The following ARSB variants were observed in gnomAD, a reference collection of about 807,000 sequenced individuals.
The protein encoded by ARSB is N-acetylgalactosamine-4-sulfatase.
ARSB carries 41 observed loss-of-function variants against 50.9 expected under a neutral mutation model. The observed-to-expected ratio is 0.81, with a 90% CI of 0.63 to 1.04. The LOEUF is 1.04. ARSB is among the 50% of genes least tolerant of loss of function. The pLI, the probability that ARSB is intolerant of heterozygous loss-of-function variation, is 0.00. For synonymous variants in ARSB, 269 were observed against 284.8 expected (o/e 0.94, Z 0.56); for missense variants, 672 against 693.3 (o/e 0.97, Z 0.35).
intron 4 of ARSB, among the ~76,000 whole-genome samples, chr5:78,947,945 T>A (rs1751319467): frequency 6.6e-6 from 1 of 152,186 alleles, no homozygotes; most frequent in African/African-American, 2.4e-5. Flanking sequence ...TGGAGTACTA[T>A]TCAGTCACAT....
intron 5 of ARSB, among the ~76,000 whole-genome samples, chr5:78,852,595 T>C (rs1297979137): frequency 2.0e-5 from 3 of 152,260 alleles, no homozygotes; most frequent in Non-Finnish European, 2.9e-5. Flanking sequence ...TGAATCTGAA[T>C]GTTGGCCTGC....
chr5:78,836,563 C>T (rs140663315), intron 6 of ARSB, among the ~76,000 whole-genome samples: 1 of 152,330 alleles, frequency 6.6e-6, no homozygotes, highest in East Asian at 1.9e-4. Flanking sequence ...AATGTCCTTA[C>T]AGTCTATGGA....
At chr5:78,978,535 G>A (rs963064274) in intron 1 of ARSB, among the ~76,000 whole-genome samples, 2 of 152,126 alleles carry the variant, frequency 1.3e-5, no homozygotes, top group African/African-American at 4.8e-5. Flanking sequence ...AATGCAAGGG[G>A]CCGAGAATAG....
intron 3 of ARSB, among the ~76,000 whole-genome samples, chr5:78,956,729 T>C (rs1399563766): frequency 6.6e-6 from 1 of 152,172 alleles, no homozygotes; most frequent in Admixed American, 6.5e-5. Context: ...AACCACCCTA[T>C]GTTACAGCAA....
chr5:78,885,690 C>T lies in ARSB; in HGVS notation c.1036G>A (p.Glu346Lys). The T allele has an allele frequency of 6.2e-7, 1 of 1,614,022 alleles. No individual in the cohort carries two copies. The highest frequency in any genetic ancestry group is 8.5e-7 in the Non-Finnish European group (1 of 1,180,016). The part of the protein sequence containing the change: ...LLKQKGVKNR[E>K]LIHISDWLPT... ...AGCCAGTCAGAGATGTGGATGAGCT[C>T]CCGGTTCTTCACGCCCTTCTGCTTC... Residue 346 changes from glutamate to lysine, a missense_variant, in exon 5 of 8, where the codon GAG becomes AAG. Transcript: ENST00000264914.
intron 4 of ARSB, among the ~76,000 whole-genome samples, chr5:78,935,652 T>G (rs1750543558): frequency 6.6e-6 from 1 of 152,218 alleles, no homozygotes; most frequent in Admixed American, 6.5e-5. Context: ...TGGTTTAATC[T>G]CTAGCCACTT....
intron 5 of ARSB, among the ~76,000 whole-genome samples, 178 bp from the exon 6 acceptor site, chr5:78,839,604 T>G (rs1745105299): frequency 6.6e-6 from 1 of 152,204 alleles, no homozygotes; most frequent in Admixed American, 6.5e-5. Context: ...CATCGTTTGT[T>G]TACATTGACC....
At chr5:78,794,578 T>C (rs1044255637) in intron 6 of ARSB, among the ~76,000 whole-genome samples, 1 of 151,118 alleles carries the variant, frequency 6.6e-6, no homozygotes, top group Non-Finnish European at 1.5e-5. Context: ...AGAGGTGGGG[T>C]TGGGGAGAAA....
chr5:78,883,972 C>T (rs1343990487), intron 5 of ARSB: 1 of 152,034 alleles, frequency 6.6e-6, no homozygotes, highest in African/African-American at 2.4e-5. Flanking sequence ...GGAAATTGGT[C>T]AAAGTATGGT....
intron 1 of ARSB, among the ~76,000 whole-genome samples, chr5:78,976,502 G>A (rs1752678735): frequency 6.6e-6 from 1 of 151,842 alleles, no homozygotes; most frequent in Non-Finnish European, 1.5e-5. Flanking sequence ...TTTTTATAGA[G>A]ATGGAATTTC....
intron 1 of ARSB, among the ~76,000 whole-genome samples, chr5:78,978,299 C>T (rs559248936): frequency 6.6e-6 from 1 of 150,914 alleles, no homozygotes; most frequent in African/African-American, 2.4e-5. Context: ...ACACTGTGCT[C>T]CAGCCTGGGC....
At chr5:78,947,561 G>A (rs1751301088) in intron 4 of ARSB, among the ~76,000 whole-genome samples, 1 of 152,118 alleles carries the variant, frequency 6.6e-6, no homozygotes, top group Non-Finnish European at 1.5e-5. Context: ...TCAGAGAAAT[G>A]CCAATCAAAA....
intron 6 of ARSB, among the ~76,000 whole-genome samples, chr5:78,784,798 CTT>C (rs370754347): frequency 2.6e-4 from 33 of 124,794 alleles, no homozygotes; most frequent in Admixed American, 2.5e-4. Context: ...TTTTATTAGT[CTT>C]TTTTTTTTTT....
intron 4 of ARSB, among the ~76,000 whole-genome samples, chr5:78,892,141 C>T (rs1580009061): frequency 6.6e-6 from 1 of 151,530 alleles, no homozygotes; most frequent in African/African-American, 2.4e-5. Flanking sequence ...TGGATATTTA[C>T]TAAACATATA....
At chr5:78,958,475 A>G (rs1002819457) in intron 3 of ARSB, among the ~76,000 whole-genome samples, 11 of 152,262 alleles carry the variant, frequency 7.2e-5, no homozygotes, top group Non-Finnish European at 1.2e-4. Flanking sequence ...GTTCTTATAA[A>G]TATTCAGTAT....
Position 78,964,623 on chromosome 5 carries a change from C to A in ARSB, c.500-17G>T, listed in dbSNP as rs372317070. 4 of 1,609,244 alleles carry A rather than the reference C, an allele frequency of 2.5e-6. No homozygotes were observed. In the African/African-American group the frequency reaches 4.0e-5, roughly 16 times the overall value. On this transcript the variant is annotated splice_polypyrimidine_tract_variant and intron_variant, in intron 2 of 7. Transcript: ENST00000264914. ...GGAGATATCCTGCAAGAATGGAAGA[C>A]GAAAATAGTCAGCATAGCATAAAAC...
chr5:78,899,937 T>C (rs968109045), intron 4 of ARSB, among the ~76,000 whole-genome samples: 2 of 152,200 alleles, frequency 1.3e-5, no homozygotes, highest in Admixed American at 6.5e-5. Flanking sequence ...GTTTTCTCTG[T>C]CCAGCTTGTT....
chr5:78,879,050 C>T (rs113125110), intron 5 of ARSB, among the ~76,000 whole-genome samples: 16,928 of 152,046 alleles, frequency 0.11, 1,223 homozygotes, highest in Middle Eastern at 0.18. Context: ...GACAGGGTTT[C>T]GCTATGTTGC....
intron 6 of ARSB, among the ~76,000 whole-genome samples, chr5:78,823,569 C>A (rs994965133): frequency 6.6e-6 from 1 of 152,142 alleles, no homozygotes; most frequent in Non-Finnish European, 1.5e-5. Flanking sequence ...AAATCTGCTA[C>A]CTGATTCTTG....
Sources: allele counts gnomAD v4.1 joint callset (sites outside exome capture counted in the v4.1 genomes callset), GRCh38; gene constraint gnomAD v4.1.1; transcripts MANE v1.5; gene names NCBI Gene and HGNC (gene_info 2026-07-23, HGNC 2026-07-21).